ZBBX: variants seen among roughly 807,000 people sequenced by gnomAD.
ZBBX encodes the protein zinc finger B-box domain-containing protein 1.
In ZBBX, 101 loss-of-function variants were observed where a neutral mutation model predicts 108.5. The observed-to-expected ratio is 0.93, with a 90% CI of 0.79 to 1.10. The LOEUF is 1.10. Ranked by LOEUF, ZBBX falls within the 50% of genes least tolerant of loss-of-function variation. The pLI is 0.00. For synonymous variants in ZBBX, 356 were observed against 323.4 expected (o/e 1.10, Z -1.08); for missense variants, 1,009 against 941.4 (o/e 1.07, Z -0.94).
chr3:167,229,209 G>GT, the ZBBX span, among the ~76,000 whole-genome samples: 1 of 151,712 alleles, frequency 6.6e-6, no homozygotes, highest in African/African-American at 2.4e-5. Context: ...TTTCTGCTAC[G>GT]TAAGTTTTGT....
chr3:167,402,640 G>A (rs1309032093), intron 1 of ZBBX, among the ~76,000 whole-genome samples: 1 of 151,878 alleles, frequency 6.6e-6, no homozygotes, highest in Non-Finnish European at 1.5e-5. Flanking sequence ...TCCAGATACT[G>A]GAATTAGCAG....
At chr3:167,189,962 G>T in the ZBBX span, among the ~76,000 whole-genome samples, 88,825 of 152,022 alleles carry the variant, frequency 0.58, 26,153 homozygotes, top group East Asian at 0.82. Context: ...TCACTAAACA[G>T]CTTTCTGTCA....
chr3:167,300,595 C>A (rs933732918), intron 17 of ZBBX, among the ~76,000 whole-genome samples: 1 of 150,698 alleles, frequency 6.6e-6, no homozygotes, highest in Non-Finnish European at 1.5e-5. Context: ...ACATTCCCAT[C>A]TCCCCCACCA....
intron 12 of ZBBX, among the ~76,000 whole-genome samples, chr3:167,320,574 A>G (rs1736272482): frequency 6.6e-6 from 1 of 152,078 alleles, no homozygotes; most frequent in African/African-American, 2.4e-5. Context: ...GTGAAAGTTT[A>G]AGGGAAAACA....
upstream of ZBBX, among the ~76,000 whole-genome samples, chr3:167,383,935 A>G (rs940422258): frequency 6.6e-6 from 1 of 152,088 alleles, no homozygotes; most frequent in Non-Finnish European, 1.5e-5. Flanking sequence ...TGTTTGTGGC[A>G]TGGGCAGAAT....
At chr3:167,330,909 GA>G (rs1302173975) in intron 10 of ZBBX, among the ~76,000 whole-genome samples, 4 of 80,386 alleles carry the variant, frequency 5.0e-5, no homozygotes, top group Non-Finnish European at 1.1e-4. Context: ...AGAAGAAGAA[GA>G]GGCATCATAT....
At chr3:167,206,928 T>A in the ZBBX span, among the ~76,000 whole-genome samples, 1 of 152,054 alleles carries the variant, frequency 6.6e-6, no homozygotes, top group Non-Finnish European at 1.5e-5. Context: ...AAACCGGATA[T>A]CCACATACAA....
the ZBBX span, among the ~76,000 whole-genome samples, chr3:167,213,792 G>GGCTTT: frequency 6.6e-6 from 1 of 152,020 alleles, no homozygotes; most frequent in Non-Finnish European, 1.5e-5. Flanking sequence ...GAAAAAGCAG[G>GGCTTT]TCACCTACAA....
chr3:167,366,629 T>C (rs926081524), intron 5 of ZBBX, among the ~76,000 whole-genome samples: 14 of 151,922 alleles, frequency 9.2e-5, no homozygotes, highest in African/African-American at 3.4e-4. Flanking sequence ...ACTTCTATTT[T>C]CCTGGCTAGT....
At chr3:167,197,287 C>T in the ZBBX span, among the ~76,000 whole-genome samples, 2 of 151,136 alleles carry the variant, frequency 1.3e-5, no homozygotes, top group African/African-American at 2.5e-5. Context: ...GCCTGCAATC[C>T]CAGCACTTTG....
intron 21 of ZBBX, 83 bp from the exon 22 acceptor site, chr3:167,241,002 T>C (rs2108302785): frequency 1.3e-6 from 2 of 1,486,164 alleles, no homozygotes; most frequent in Non-Finnish European, 9.0e-7. Flanking sequence ...ATACTACATA[T>C]GTTGGAGTTG....
chr3:167,202,777 C>A, the ZBBX span, among the ~76,000 whole-genome samples: 1 of 151,978 alleles, frequency 6.6e-6, no homozygotes, highest in African/African-American at 2.4e-5. Context: ...CCTGTTTTAC[C>A]ACTCTTGGTA....
At chr3:167,192,506 C>A in the ZBBX span, among the ~76,000 whole-genome samples, 2 of 152,140 alleles carry the variant, frequency 1.3e-5, no homozygotes, top group African/African-American at 4.8e-5. Flanking sequence ...ATTTGAGCTT[C>A]TTTATATGTT....
rs533716604 is a variant in ZBBX, at chr3:167,244,646, T to C, written c.2255-2003A>G. 4.6e-5 allele frequency among the ~76,000 whole-genome samples: 7 copies of C among 152,344 alleles called. No individual in the cohort carries two copies. In the South Asian group the frequency reaches 1.4e-3, roughly 32 times the overall value. On this transcript the variant is annotated intron_variant, in intron 20 of 21. Transcript: ENST00000675490. Reference sequence around the variant, plus strand: ...AAAACTGCTCATAACAACCCTATTGTAGGTTAGTGTTAAACTCAAAAGGTC... The same window carrying C: ...AAAACTGCTCATAACAACCCTATTGCAGGTTAGTGTTAAACTCAAAAGGTC...
At chr3:167,389,209 A>G (rs1282828307) in intron 1 of ZBBX, among the ~76,000 whole-genome samples, 2 of 151,916 alleles carry the variant, frequency 1.3e-5, no homozygotes, top group Admixed American at 1.3e-4. Flanking sequence ...ACTCCCACTT[A>G]TGAGTGAGAA....
At chr3:167,279,619 C>A (rs1450014218) in intron 20 of ZBBX, among the ~76,000 whole-genome samples, 2 of 151,904 alleles carry the variant, frequency 1.3e-5, no homozygotes, top group Non-Finnish European at 2.9e-5. Flanking sequence ...AATGGAAGAA[C>A]TTTCCATGCT....
At chr3:167,289,562 C>G (rs938306289) in intron 18 of ZBBX, among the ~76,000 whole-genome samples, 1 of 152,236 alleles carries the variant, frequency 6.6e-6, no homozygotes, top group Admixed American at 6.5e-5. Flanking sequence ...AACTTGCACT[C>G]TGGCTCGGAT....
chr3:167,369,821 T>C lies in ZBBX; in HGVS notation c.69-1247A>G, dbSNP rs373045608. On this transcript the variant is annotated intron_variant, in intron 4 of 21. Coordinates refer to ENST00000675490, the MANE Select transcript of ZBBX (RefSeq NM_001199201.2). Reference sequence around the variant, plus strand: ...GCTGAAACCTAAAGGATGAAAGGACTTAGCCAGTCAAAGGGAAGTGCTGAG... The same window carrying C: ...GCTGAAACCTAAAGGATGAAAGGACCTAGCCAGTCAAAGGGAAGTGCTGAG... Among the ~76,000 whole-genome samples, 5 of 152,190 alleles carry C rather than the reference T, an allele frequency of 3.3e-5. No individual in the cohort carries two copies. The East Asian group carries it at 7.7e-4, about 24-fold the overall frequency.
rs763638352 is a variant in ZBBX, at chr3:167,316,996, T to C, written c.1194+9A>G. 7 of 1,530,166 alleles carry C rather than the reference T, an allele frequency of 4.6e-6. No homozygotes were observed. Among genetic ancestry groups the C allele is most frequent in the African/African-American group, 2.7e-5 (2 of 72,954 alleles). 94.8% of individuals were successfully genotyped at this position (1,530,166 alleles called of 1,614,324 possible). A position where few individuals can be genotyped will look rare whatever the true frequency, so the allele number is the denominator to read the frequency against. ...ATCATGAATGGTCATTATGCACTTA[T>C]GCACTTACATCATCCAGTTCGACTA... On this transcript the variant is annotated intron_variant, in intron 14 of 21. Coordinates refer to ENST00000675490, the MANE Select transcript of ZBBX (RefSeq NM_001199201.2).
Sources: allele counts gnomAD v4.1 joint callset (sites outside exome capture counted in the v4.1 genomes callset), GRCh38; gene constraint gnomAD v4.1.1; transcripts MANE v1.5; gene names NCBI Gene and HGNC (gene_info 2026-07-23, HGNC 2026-07-21).